Variants in SUSD6 observed in about 807,000 individuals in gnomAD.
The protein encoded by SUSD6 is sushi domain containing 6, also known as sushi domain-containing protein 6.
In SUSD6, 16 loss-of-function variants were observed where a neutral mutation model predicts 28.4. That is an observed-to-expected ratio of 0.56 (90% CI 0.38 to 0.86). SUSD6 has a LOEUF of 0.86. SUSD6 is among the 40% of genes least tolerant of loss of function. SUSD6 has a pLI of 0.00. For missense variants in SUSD6, 341 were observed against 384.2 expected (o/e 0.89, Z 0.94); for synonymous variants, 147 against 159.6 (o/e 0.92, Z 0.59).
At chr14:69,613,046 C>G (rs1455867637) in intron 1 of SUSD6, among the ~76,000 whole-genome samples, 1 of 152,032 alleles carries the variant, frequency 6.6e-6, no homozygotes, top group Non-Finnish European at 1.5e-5. Flanking sequence ...GTGTTTTTAG[C>G]TAGAAGCATA....
chr14:69,652,439 T>A (rs1463954312), intron 1 of SUSD6, among the ~76,000 whole-genome samples: 1 of 151,918 alleles, frequency 6.6e-6, no homozygotes, highest in East Asian at 1.9e-4. Flanking sequence ...GGCAACAGAG[T>A]GAGACTCTGT....
chr14:69,711,654 T>G lies in SUSD6; in HGVS notation c.*675T>G, dbSNP rs1886465135. 6.6e-6 allele frequency: 1 copy of G among 152,402 alleles called. No individual in the cohort carries two copies. Among genetic ancestry groups the G allele is most frequent in the African/African-American group, 2.4e-5 (1 of 41,472 alleles). 9.4% of individuals were successfully genotyped at this position (152,402 alleles called of 1,614,324 possible). On this transcript the variant is annotated 3_prime_UTR_variant, in exon 6 of 6. Coordinates refer to ENST00000342745, the MANE Select transcript of SUSD6 (RefSeq NM_014734.4). Reference sequence around the variant, plus strand: ...AAGATTTGGAGAATCATGTCCATGCTGGCCCAGGACCCAGCCATCTGGCCC... The same window carrying G: ...AAGATTTGGAGAATCATGTCCATGCGGGCCCAGGACCCAGCCATCTGGCCC...
At chr14:69,702,503 A>G (rs891486432) in intron 2 of SUSD6, among the ~76,000 whole-genome samples, 4 of 152,312 alleles carry the variant, frequency 2.6e-5, no homozygotes, top group Admixed American at 1.3e-4. Flanking sequence ...ACTGCCTGCC[A>G]TCTCCCTAAC....
At chr14:69,697,298 T>G (rs1162457044) in intron 2 of SUSD6, among the ~76,000 whole-genome samples, 2 of 152,194 alleles carry the variant, frequency 1.3e-5, no homozygotes. Flanking sequence ...TGTGGTCTTT[T>G]GTGACATGTA....
chr14:69,631,782 A>G (rs1265519427), intron 1 of SUSD6, among the ~76,000 whole-genome samples: 1 of 152,212 alleles, frequency 6.6e-6, no homozygotes, highest in East Asian at 1.9e-4. Flanking sequence ...AATGTTTGCC[A>G]TCCCTAGGAA....
At chr14:69,620,493 C>T (rs1398103075) in intron 1 of SUSD6, among the ~76,000 whole-genome samples, 2 of 152,178 alleles carry the variant, frequency 1.3e-5, no homozygotes, top group Non-Finnish European at 2.9e-5. Flanking sequence ...TACTTGCTGG[C>T]ATGGAGTTAG....
chr14:69,631,493 TTTTTGTTTTG>T (rs1219915633), intron 1 of SUSD6, among the ~76,000 whole-genome samples: 2 of 152,178 alleles, frequency 1.3e-5, no homozygotes, highest in African/African-American at 4.8e-5. Context: ...CTGCTTCTGT[TTTTTGTTTTG>T]TTTTGTTTTG....
At chr14:69,692,054 AAAG>A (rs1026471015) in intron 2 of SUSD6, among the ~76,000 whole-genome samples, 3 of 151,922 alleles carry the variant, frequency 2.0e-5, no homozygotes, top group South Asian at 4.1e-4. Flanking sequence ...AAAAAAAAAA[AAAG>A]AAGTCATGTG....
chr14:69,623,913 T>A (rs1376430973), intron 1 of SUSD6, among the ~76,000 whole-genome samples: 1 of 152,204 alleles, frequency 6.6e-6, no homozygotes, highest in Non-Finnish European at 1.5e-5. Context: ...ATTAAAAAGT[T>A]TATAAAGTAA....
chr14:69,689,414 A>G (rs959836078), intron 2 of SUSD6, among the ~76,000 whole-genome samples: 1 of 152,228 alleles, frequency 6.6e-6, no homozygotes, highest in Non-Finnish European at 1.5e-5. Flanking sequence ...GAATGGGTAA[A>G]TATAATCCTT....
In SUSD6 at chr14:69,708,888, T is replaced by C. The variant is rs764785947; in HGVS notation, c.670T>C (p.Ser224Pro). 5 of 1,614,156 alleles carry C rather than the reference T, an allele frequency of 3.1e-6. No individual in the cohort carries two copies. The highest frequency in any genetic ancestry group is 4.2e-6 in the Non-Finnish European group (5 of 1,179,992). ...ACAGCTGCCGGACCAAGGGGCCTGC[T>C]CCTCTGCAGGTGGAGAAGATGAGGC... ...EQQLPDQGACSSAGGEDEAPG... is the reference protein window; with the variant it reads ...EQQLPDQGACPSAGGEDEAPG... Residue 224 changes from serine (S) to proline (P), a missense_variant, in exon 5 of 6, where the codon TCC (serine) becomes CCC (proline). Transcript: ENST00000342745.
chr14:69,679,531 C>T (rs528806511), intron 2 of SUSD6, among the ~76,000 whole-genome samples: 1 of 151,488 alleles, frequency 6.6e-6, no homozygotes, highest in Admixed American at 6.6e-5. Context: ...TGCATGTGGC[C>T]TAACACAAAT....
chr14:69,644,088 T>TTA (rs927839177), intron 1 of SUSD6, among the ~76,000 whole-genome samples: 30 of 152,314 alleles, frequency 2.0e-4, no homozygotes, highest in Admixed American at 5.9e-4. Flanking sequence ...TGTTTGTGTC[T>TTA]TATATATATA....
intron 1 of SUSD6, among the ~76,000 whole-genome samples, chr14:69,626,998 T>C (rs1402317968): frequency 6.6e-6 from 1 of 152,078 alleles, no homozygotes; most frequent in Non-Finnish European, 1.5e-5. Flanking sequence ...CCCACTTCTT[T>C]AGAGGACTCT....
At chr14:69,612,796 A>G (rs902770288) in intron 1 of SUSD6, among the ~76,000 whole-genome samples, 1 of 152,184 alleles carries the variant, frequency 6.6e-6, no homozygotes. Flanking sequence ...AAGATTACTC[A>G]GTTCAATTAG....
chr14:69,620,128 C>G (rs893590712), intron 1 of SUSD6, among the ~76,000 whole-genome samples: 1 of 152,180 alleles, frequency 6.6e-6, no homozygotes, highest in Non-Finnish European at 1.5e-5. Context: ...CTGGTCTACC[C>G]CTTTATCAAT....
intron 2 of SUSD6, among the ~76,000 whole-genome samples, chr14:69,664,242 A>G (rs372621319): frequency 5.3e-5 from 8 of 152,104 alleles, no homozygotes; most frequent in African/African-American, 1.9e-4. Flanking sequence ...GGCCTCCCAG[A>G]GTGCTGGGAT....
At chr14:69,694,140 G>T (rs1444865059) in intron 2 of SUSD6, among the ~76,000 whole-genome samples, 2 of 152,216 alleles carry the variant, frequency 1.3e-5, no homozygotes, top group Non-Finnish European at 2.9e-5. Context: ...TAGATGTGTG[G>T]GTTGGTGGTT....
At chr14:69,613,048 A>G (rs985050448) in intron 1 of SUSD6, among the ~76,000 whole-genome samples, 2 of 152,186 alleles carry the variant, frequency 1.3e-5, no homozygotes, top group African/African-American at 4.8e-5. Flanking sequence ...GTTTTTAGCT[A>G]GAAGCATATT....
Sources: allele counts gnomAD v4.1 joint callset (sites outside exome capture counted in the v4.1 genomes callset), GRCh38; gene constraint gnomAD v4.1.1; transcripts MANE v1.5; gene names NCBI Gene and HGNC (gene_info 2026-07-23, HGNC 2026-07-21).